Variants in BCAS3 observed in about 807,000 individuals in gnomAD.
BCAS3 encodes the protein BCAS4/BCAS3 fusion.
Under a neutral mutation model 116.1 loss-of-function variants are expected in BCAS3, and 53 were observed. That is an observed-to-expected ratio of 0.46 (90% CI 0.37 to 0.57). The LOEUF (loss-of-function observed/expected upper bound fraction) is 0.57, where lower values mean the gene tolerates loss of function less well. Among genes scored for constraint, BCAS3 ranks in the 20% least tolerant of loss-of-function variants. The pLI, the probability that BCAS3 is intolerant of heterozygous loss-of-function variation, is 0.00. For missense variants in BCAS3, 917 were observed against 1,165.4 expected, an observed-to-expected ratio of 0.79 and a Z score of 3.10; for synonymous variants, 391 against 408.2, an observed-to-expected ratio of 0.96 and a Z score of 0.51.
chr17:60,866,072 C>T (rs942739214), intron 7 of BCAS3, among the ~76,000 whole-genome samples: 3 of 151,844 alleles, frequency 2.0e-5, no homozygotes, highest in Non-Finnish European at 4.4e-5. Context: ...TGTAGTAAAG[C>T]AGCCTTGCAT....
chr17:60,711,898 A>G (rs1387649137), intron 5 of BCAS3, among the ~76,000 whole-genome samples: 1 of 152,104 alleles, frequency 6.6e-6, no homozygotes, highest in East Asian at 1.9e-4. Flanking sequence ...GCGGTGGCTC[A>G]TGCCTGTAAT....
Position 61,387,908 on chromosome 17 carries a change from G to A in BCAS3, c.2594-4069G>A, listed in dbSNP as rs2059935567. Among the ~76,000 whole-genome samples the A allele has an allele frequency of 6.6e-6, 1 of 152,174 alleles. No individual in the cohort carries two copies. The highest frequency in any genetic ancestry group is 1.5e-5 in the Non-Finnish European group (1 of 68,026). The stretch of plus-strand genomic sequence containing the variant: ...AGTGCAAGGTCACAATGAGGTGACT[G>A]GGTCTAGCCACTTGCCTGGAAGCCA... On this transcript the variant is annotated intron_variant, in intron 23 of 23. Transcript: ENST00000407086. This position sits in a 1 kb window ranked among gnomAD's most constrained non-coding sequence, Gnocchi z 6.2.
chr17:61,130,855 G>A lies in BCAS3; in HGVS notation c.2425+46291G>A, dbSNP rs1408585722. ...GCTGATCACTTGAGGTCGGGAGTTC[G>A]AGACAAGCCTGGCCAACATGCAAAA... On this transcript the variant is annotated intron_variant, in intron 22 of 23. Transcript: ENST00000407086. This position sits in a 1 kb window ranked among gnomAD's most constrained non-coding sequence, Gnocchi z 5.0. The A allele has an allele frequency of 1.3e-5, 2 of 152,268 alleles. No homozygotes were observed. The highest frequency in any genetic ancestry group is 2.9e-5 in the Non-Finnish European group (2 of 68,146). The allele number at this position is 152,268 out of a possible 1,614,324, so 9.4% of individuals were successfully genotyped here. A position where few individuals can be genotyped will look rare whatever the true frequency, so the allele number is the denominator to read the frequency against.
At chr17:60,902,041 A>G (rs986520130) in intron 10 of BCAS3, among the ~76,000 whole-genome samples, 3 of 152,244 alleles carry the variant, frequency 2.0e-5, no homozygotes, top group Non-Finnish European at 2.9e-5. Context: ...GTCACAAATA[A>G]GGATATGTCT....
chr17:61,023,471 G>C lies in BCAS3; in HGVS notation c.1637+7570G>C, dbSNP rs2066012066. The stretch of plus-strand genomic sequence containing the variant: ...TACTTCTTTAACTCTGGAGATGATT[G>C]AACAGAATTGTTACTAATACCTTTT... On this transcript the variant is annotated intron_variant, in intron 16 of 23. Transcript: ENST00000407086. The surrounding 1 kb of genome is among the most constrained non-coding windows in gnomAD (Gnocchi z 4.8). Among the ~76,000 whole-genome samples the C allele has an allele frequency of 6.6e-6, 1 of 152,146 alleles. No homozygotes were observed. The highest frequency in any genetic ancestry group is 1.5e-5 in the Non-Finnish European group (1 of 68,022).
At position 61,189,365 on chromosome 17, in the gene BCAS3, A is replaced by C. The variant is rs2079967278; in HGVS notation, c.2425+104801A>C. Reference sequence around the variant, plus strand: ...GGAGGTTGACCTTGCCATCATATAAAGTCCTAGCAGGCAAGTCATAAGATA... The same window carrying C: ...GGAGGTTGACCTTGCCATCATATAACGTCCTAGCAGGCAAGTCATAAGATA... On this transcript the variant is annotated intron_variant, in intron 22 of 23. Transcript: ENST00000407086. This position sits in a 1 kb window ranked among gnomAD's most constrained non-coding sequence, Gnocchi z 4.5. 6.6e-6 allele frequency among the ~76,000 whole-genome samples: 1 copy of C among 152,234 alleles called. No homozygotes were observed. Among genetic ancestry groups the C allele is most frequent in the African/African-American group, 2.4e-5 (1 of 41,462 alleles).
intron 23 of BCAS3, among the ~76,000 whole-genome samples, chr17:61,373,804 CTTTGTTTTT>C (rs2059183083): frequency 3.9e-5 from 3 of 76,084 alleles, no homozygotes; most frequent in Admixed American, 1.6e-4. Context: ...TCTTCTTCTT[CTTTGTTTTT>C]TTTTTTTTTT....
chr17:60,867,413 GT>G (rs1215375578), intron 7 of BCAS3, among the ~76,000 whole-genome samples: 1 of 151,780 alleles, frequency 6.6e-6, no homozygotes, highest in Non-Finnish European at 1.5e-5. Flanking sequence ...GCCTACGTAG[GT>G]TTTTAAAAAA....
chr17:60,699,160 T>G (rs918946757), intron 4 of BCAS3, among the ~76,000 whole-genome samples: 1 of 152,236 alleles, frequency 6.6e-6, no homozygotes, highest in African/African-American at 2.4e-5. Context: ...GATTTGATGA[T>G]GTACACAAAA....
chr17:60,715,648 C>T (rs1416837745), intron 5 of BCAS3, among the ~76,000 whole-genome samples: 6 of 151,528 alleles, frequency 4.0e-5, no homozygotes, highest in South Asian at 4.2e-4. Context: ...GCCCCATGTC[C>T]GGTTAATTTT....
intron 6 of BCAS3, among the ~76,000 whole-genome samples, chr17:60,788,386 A>C (rs1322900162): frequency 6.6e-6 from 1 of 152,174 alleles, no homozygotes; most frequent in Admixed American, 6.5e-5. Flanking sequence ...GATGAGTCTA[A>C]TCTGTGAAAG....
chr17:60,811,333 G>T, intron 7 of BCAS3: 1 of 688,028 alleles, frequency 1.5e-6, no homozygotes, highest in East Asian at 3.2e-5. Context: ...AAGATGGTGA[G>T]GACTTCAGTC....
chr17:61,332,098 A>ACTCTCTGG lies in BCAS3; in HGVS notation c.2426-36229_2426-36228insCTCTCTGG, dbSNP rs1273154171. The stretch of plus-strand genomic sequence containing the variant: ...GAGCAGGGCGAGGCTGCCTCAGACA[A>ACTCTCTGG]GTGCAGAGAGTTGCCACCCAGCCCG... On this transcript the variant is annotated intron_variant, in intron 22 of 23. Transcript: ENST00000407086. This position sits in a 1 kb window ranked among gnomAD's most constrained non-coding sequence, Gnocchi z 5.4. 6.6e-6 allele frequency among the ~76,000 whole-genome samples: 1 copy of ACTCTCTGG among 152,190 alleles called. No homozygotes were observed. The highest frequency in any genetic ancestry group is 1.5e-5 in the Non-Finnish European group (1 of 68,022).
At chr17:60,851,058 G>A (rs1394542256) in intron 7 of BCAS3, among the ~76,000 whole-genome samples, 1 of 152,134 alleles carries the variant, frequency 6.6e-6, no homozygotes. Context: ...AACACCGAAA[G>A]CGCAATCATA....
rs760489100 is a variant in BCAS3, at chr17:61,227,067, C to T, written c.2426-141260C>T. ...GTATGAGGTGGTTAACTGTGTGCAA[C>T]GCCCCTTTCCCATAGGTTATGGTTA... On this transcript the variant is annotated intron_variant, in intron 22 of 23. Transcript: ENST00000407086. This position sits in a 1 kb window ranked among gnomAD's most constrained non-coding sequence, Gnocchi z 6.1. Among the ~76,000 whole-genome samples the T allele has an allele frequency of 2.6e-5, 4 of 152,254 alleles. No individual in the cohort carries two copies. Among genetic ancestry groups the T allele is most frequent in the Middle Eastern group, 3.4e-3 (1 of 294 alleles).
chr17:61,361,983 T>C lies in BCAS3; in HGVS notation c.2426-6344T>C, dbSNP rs1028402951. The C allele has an allele frequency of 4.6e-5, 7 of 152,500 alleles. No individual in the cohort carries two copies. Among genetic ancestry groups the C allele is most frequent in the Non-Finnish European group, 1.0e-4 (7 of 68,096 alleles). The allele number at this position is 152,500 out of a possible 1,614,324, so 9.4% of individuals were successfully genotyped here. ...TCTTTCCTCAGTCTACCAACTCGAA[T>C]GCTAATCTCTCCCAGAAACACCCCC... On this transcript the variant is annotated intron_variant, in intron 22 of 23. Coordinates refer to ENST00000407086, the MANE Select transcript of BCAS3 (RefSeq NM_017679.5). This position sits in a 1 kb window ranked among gnomAD's most constrained non-coding sequence, Gnocchi z 6.5.
At chr17:60,935,839 G>A (rs2059889848) in intron 13 of BCAS3, among the ~76,000 whole-genome samples, 1 of 150,998 alleles carries the variant, frequency 6.6e-6, no homozygotes, top group Admixed American at 6.6e-5. Context: ...CACCCATTTA[G>A]CCAAGCTGAG....
Position 61,073,311 on chromosome 17 carries a change from T to G in BCAS3, c.2030-1609T>G, listed in dbSNP as rs566862775. Reference sequence around the variant, plus strand: ...TTTGATTACTGCAGATCTTACACTTTAATACTGTGTATGCCTCTGCTGAGT... The same window carrying G: ...TTTGATTACTGCAGATCTTACACTTGAATACTGTGTATGCCTCTGCTGAGT... On this transcript the variant is annotated intron_variant, in intron 19 of 23. Coordinates refer to ENST00000407086, the MANE Select transcript of BCAS3 (RefSeq NM_017679.5). The surrounding 1 kb of genome is among the most constrained non-coding windows in gnomAD (Gnocchi z 4.6). Among the ~76,000 whole-genome samples, 22 of 152,344 alleles carry G rather than the reference T, an allele frequency of 1.4e-4. No homozygotes were observed. Among genetic ancestry groups the G allele is most frequent in the African/African-American group, 5.0e-4 (21 of 41,592 alleles).
chr17:61,391,308 A>G lies in BCAS3; in HGVS notation c.2594-669A>G, dbSNP rs926378937. ...CTTGGGGCCTAAGAGGAAAGGAGAA[A>G]GGAGGCACTTCAGGCAGACAGGGAC... is the stretch of plus-strand genomic sequence containing the variant. On this transcript the variant is annotated intron_variant, in intron 23 of 23. Transcript: ENST00000407086. This position sits in a 1 kb window ranked among gnomAD's most constrained non-coding sequence, Gnocchi z 7.7. 3 of 152,282 alleles carry G rather than the reference A, an allele frequency of 2.0e-5. No individual in the cohort carries two copies. The highest frequency in any genetic ancestry group is 4.8e-5 in the African/African-American group (2 of 41,436). The allele number at this position is 152,282 out of a possible 1,614,324, so 9.4% of individuals were successfully genotyped here.
Sources: allele counts gnomAD v4.1 joint callset (sites outside exome capture counted in the v4.1 genomes callset), GRCh38; gene constraint gnomAD v4.1.1; non-coding constraint Gnocchi (gnomAD v3.1); transcripts MANE v1.5; gene names NCBI Gene and HGNC (gene_info 2026-07-23, HGNC 2026-07-21).